PTPN3: variants seen among roughly 807,000 people sequenced by gnomAD.
PTPN3 encodes tyrosine-protein phosphatase non-receptor type 3.
In PTPN3, 96 loss-of-function variants were observed where a neutral mutation model predicts 132.7. That is an observed-to-expected ratio of 0.72 (90% CI 0.61 to 0.86). The LOEUF is 0.86. Among genes scored for constraint, PTPN3 ranks in the 40% least tolerant of loss-of-function variants. The probability of loss-of-function intolerance (pLI) is 0.00; values close to 1 mark genes in which losing one functional copy is unlikely to be tolerated. For synonymous variants in PTPN3, 398 were observed against 429.0 expected (o/e 0.93, Z 0.89); for missense variants, 1,125 against 1,159.6 (o/e 0.97, Z 0.43).
At chr9:109,451,459 T>G in intron 5 of PTPN3, 4 of 901,216 alleles carry the variant, frequency 4.4e-6, no homozygotes, top group African/African-American at 1.8e-5. Flanking sequence ...ACACTGTTTA[T>G]TACTCATTCT....
intron 10 of PTPN3, 96 bp downstream of exon 10, chr9:109,432,977 T>G: frequency 6.6e-7 from 1 of 1,506,916 alleles, no homozygotes; most frequent in Non-Finnish European, 8.9e-7. Flanking sequence ...TATCTTTTCT[T>G]TAGAAATAAA....
intron 22 of PTPN3, among the ~76,000 whole-genome samples, chr9:109,384,107 G>A (rs769754869): frequency 6.6e-6 from 1 of 152,142 alleles, no homozygotes; most frequent in African/African-American, 2.4e-5. Flanking sequence ...GTTTTCCACC[G>A]GGAAGATGGA....
intron 21 of PTPN3, among the ~76,000 whole-genome samples, chr9:109,390,764 A>ATT (rs895306079): frequency 1.3e-5 from 2 of 148,302 alleles, no homozygotes; most frequent in Non-Finnish European, 3.0e-5. Context: ...TATTTTTCTC[A>ATT]TTTTTTTTTT....
At chr9:109,512,983 C>G in the PTPN3 span, among the ~76,000 whole-genome samples, 2 of 152,098 alleles carry the variant, frequency 1.3e-5, no homozygotes, top group African/African-American at 2.4e-5. Flanking sequence ...CTGGCTCAAG[C>G]TGTGTATTAT....
chr9:109,412,045 T>C (rs1483797622), intron 14 of PTPN3, among the ~76,000 whole-genome samples: 1 of 152,190 alleles, frequency 6.6e-6, no homozygotes, highest in Non-Finnish European at 1.5e-5. Context: ...TACGGCATCT[T>C]TGCTGGGTTT....
rs1846067346 is a variant in PTPN3, at chr9:109,465,704, CTCAAAAAA to C, written c.-17-2261_-17-2254del. Among the ~76,000 whole-genome samples the C allele has an allele frequency of 2.7e-4, 5 of 18,582 alleles. 1 individual carries two copies. The South Asian group carries it at 0.012, about 45-fold the overall frequency. The allele number at this position is 18,582 out of a possible 152,430, so 12.2% of individuals were successfully genotyped here. On this transcript the variant is annotated intron_variant, in intron 1 of 25. Coordinates refer to ENST00000374541, the MANE Select transcript of PTPN3 (RefSeq NM_002829.4). ...CTGGGCAAAAAGAACAAAACTCTGTCTCAAAAAAAAAAAAAAAAAAAAAAAGAATATGT... is the reference window on the plus strand; with the variant it reads ...CTGGGCAAAAAGAACAAAACTCTGTCAAAAAAAAAAAAAAAAAGAATATGT...
At chr9:109,419,301 C>T (rs1341077709) in intron 14 of PTPN3, among the ~76,000 whole-genome samples, 1 of 152,212 alleles carries the variant, frequency 6.6e-6, no homozygotes, top group East Asian at 1.9e-4. Flanking sequence ...TGCAATTCAC[C>T]TGCAAATGCC....
At chr9:109,446,903 G>T (rs1844899586) in intron 6 of PTPN3, among the ~76,000 whole-genome samples, 2 of 152,198 alleles carry the variant, frequency 1.3e-5, no homozygotes, top group Non-Finnish European at 1.5e-5. Context: ...TTGGAAAGAA[G>T]GAGATGACAC....
rs1288657733 is a variant in PTPN3 at position 109,382,526 on chromosome 9, G to GCCCCAACCCA, written c.2383-80_2383-79insTGGGTTGGGG. 4.6e-6 allele frequency: 7 copies of GCCCCAACCCA among 1,520,134 alleles called. No homozygotes were observed. The African/African-American group carries it at 9.6e-5, about 21-fold the overall frequency. The allele number at this position is 1,520,134 out of a possible 1,614,324, so 94.2% of individuals were successfully genotyped here. ...CCCAGCCCCAACCCAGACACAGGGT[G>GCCCCAACCCA]GCCCTGTCTCCTGATGCTTTCTCCC... On this transcript the variant is annotated intron_variant, in intron 23 of 25. Transcript: ENST00000374541.
At chr9:109,516,903 A>G in the PTPN3 span, among the ~76,000 whole-genome samples, 1 of 152,152 alleles carries the variant, frequency 6.6e-6, no homozygotes, top group Non-Finnish European at 1.5e-5. Flanking sequence ...GACACCATTC[A>G]TTTAGGTTAG....
chr9:109,402,172 C>G (rs1337516191), intron 19 of PTPN3, among the ~76,000 whole-genome samples: 2 of 152,178 alleles, frequency 1.3e-5, no homozygotes, highest in African/African-American at 4.8e-5. Flanking sequence ...GTGACTGGCT[C>G]TTAAGTTCTT....
chr9:109,407,106 T>C (rs1396069404), intron 17 of PTPN3, among the ~76,000 whole-genome samples: 1 of 152,234 alleles, frequency 6.6e-6, no homozygotes, highest in Non-Finnish European at 1.5e-5. Context: ...TTACAGAAAC[T>C]GTAAACAGTA....
intron 4 of PTPN3, among the ~76,000 whole-genome samples, chr9:109,456,232 C>T (rs1845559629): frequency 6.6e-6 from 1 of 152,238 alleles, no homozygotes; most frequent in Non-Finnish European, 1.5e-5. Flanking sequence ...CCGCCATGCA[C>T]TGGCCACTTT....
intron 1 of PTPN3, among the ~76,000 whole-genome samples, chr9:109,491,738 CA>C (rs1231082045): frequency 1.3e-5 from 2 of 152,184 alleles, no homozygotes; most frequent in Non-Finnish European, 2.9e-5. Flanking sequence ...GCTCTGCAAT[CA>C]TGGAGCTGAG....
At chr9:109,504,965 A>G in the PTPN3 span, among the ~76,000 whole-genome samples, 1 of 152,212 alleles carries the variant, frequency 6.6e-6, no homozygotes, top group African/African-American at 2.4e-5. Context: ...CTCAAAGTTC[A>G]TATACTGAAA....
rs776045957 is a variant in PTPN3 at position 109,438,192 on chromosome 9, T to C, written c.509A>G (p.Tyr170Cys). The C allele has an allele frequency of 1.9e-6, 3 of 1,613,386 alleles. No individual in the cohort carries two copies. The highest frequency in any genetic ancestry group is 8.5e-7 in the Non-Finnish European group (1 of 1,179,352). Residue 170 changes from tyrosine to cysteine, a missense_variant, in exon 8 of 26, where the codon TAT becomes TGT. Physicochemically the swap from Tyr to Cys is radical, Grantham distance 194 (BLOSUM62 -2). Transcript: ENST00000374541. ...DYNSSIHHPGYLSDSHFIPDQ... is the reference protein window; with the variant it reads ...DYNSSIHHPGCLSDSHFIPDQ... ...GGGTATAAAGTGACTATCGGAAAGA[T>C]AGCCTGGATGATGTATGGAAGAATT...
intron 1 of PTPN3, 102 bp from the exon 2 acceptor site, chr9:109,463,553 G>T (rs1027368004): frequency 1.9e-6 from 2 of 1,062,096 alleles, no homozygotes; most frequent in Non-Finnish European, 2.7e-6. Flanking sequence ...ACTGTCTGAC[G>T]GACTCACAGA....
the PTPN3 span, chr9:109,534,109 A>G: frequency 1.7e-5 from 13 of 786,084 alleles, no homozygotes; most frequent in South Asian, 1.5e-4. Flanking sequence ...CCTGTTGATG[A>G]AAGCATATCC....
At chr9:109,454,625 G>T (rs528650547) in intron 4 of PTPN3, 51 bp from the exon 5 acceptor site, 1 of 1,434,400 alleles carries the variant, frequency 7.0e-7, no homozygotes, top group Admixed American at 1.7e-5. Flanking sequence ...CAAAGTCAAT[G>T]TATGTAAGTT....
Sources: gnomAD v4.1 joint callset for allele counts (sites outside exome capture counted in the v4.1 genomes callset) on GRCh38, gnomAD v4.1.1 for gene constraint, MANE v1.5 for transcripts, NCBI Gene and HGNC (gene_info 2026-07-23, HGNC 2026-07-21) for gene names.